Variants in SMTN observed in about 807,000 individuals in gnomAD.
SMTN encodes smoothelin.
Under a neutral mutation model 102.0 loss-of-function variants are expected in SMTN, and 58 were observed. That is an observed-to-expected ratio of 0.57 (90% CI 0.46 to 0.71). The LOEUF is 0.71. SMTN is among the 30% of genes least tolerant of loss of function. SMTN has a pLI of 0.00. For synonymous variants in SMTN, 478 were observed against 497.9 expected (o/e 0.96, Z 0.53); for missense variants, 1,185 against 1,241.7 (o/e 0.95, Z 0.69).
Position 31,089,895 on chromosome 22 carries a change from C to T in SMTN, c.668C>T (p.Ala223Val), listed in dbSNP as rs1231727026. 6.2e-7 allele frequency: 1 copy of T among 1,613,532 alleles called. No homozygotes were observed. Among genetic ancestry groups the T allele is most frequent in the African/African-American group, 1.3e-5 (1 of 75,010 alleles). The change falls in exon 7 of 21, where the codon GCC becomes GTC. Residue 223 changes from alanine to valine, a missense_variant. Coordinates refer to ENST00000333137, the MANE Select transcript of SMTN (RefSeq NM_134269.3). ...GAGCCTCCATTGGAGCCTGCCGAGG[C>T]CCAGTGCCTTACAGCTGAGGTTCCA... ...SPEPPLEPAEAQCLTAEVPGS... is the reference protein window; with the variant it reads ...SPEPPLEPAEVQCLTAEVPGS...
At position 31,099,731 on chromosome 22, in the gene SMTN, C is replaced by T. The variant is rs1348769501; in HGVS notation, c.2452-14C>T. 6.2e-7 allele frequency: 1 copy of T among 1,613,376 alleles called. No homozygotes were observed. Among genetic ancestry groups the T allele is most frequent in the African/African-American group, 1.3e-5 (1 of 75,034 alleles). ...TGCCCCCAGGTTCCTGACCAGTCCT[C>T]CTACGGCTTATAGCACGTCGACATC... On this transcript the variant is annotated splice_polypyrimidine_tract_variant and intron_variant, in intron 18 of 20. Coordinates refer to ENST00000333137, the MANE Select transcript of SMTN (RefSeq NM_134269.3).
intron 2 of SMTN, chr22:31,085,390 A>T (rs1254212156): frequency 2.7e-6 from 3 of 1,131,064 alleles, no homozygotes; most frequent in Non-Finnish European, 3.7e-6. Flanking sequence ...CGCCGGCGGG[A>T]CCCCCATGGG....
At chr22:31,076,680 C>T (rs968272897), upstream of SMTN, among the ~76,000 whole-genome samples, 4 of 152,138 alleles carry the variant, frequency 2.6e-5, no homozygotes, top group Admixed American at 6.5e-5. Flanking sequence ...TGGCTCTGCT[C>T]CTGATTTGCT....
intron 2 of SMTN, chr22:31,085,002 T>C: frequency 1.3e-6 from 2 of 1,487,904 alleles, no homozygotes; most frequent in South Asian, 2.6e-5. Context: ...CCCCAGCGTC[T>C]GGCCGATTTG....
rs773607135 is a variant in SMTN at position 31,093,885 on chromosome 22, T to C, written c.1633-1418T>C. On this transcript the variant is annotated intron_variant, in intron 11 of 20. Transcript: ENST00000333137. ...CCCGCAGCACTAGTCTCGTAAGTGC[T>C]TCTGGGTTGGTGGGAGGGGTAGTTT... is the stretch of plus-strand genomic sequence containing the variant. 4.6e-6 allele frequency: 7 copies of C among 1,535,412 alleles called. No individual in the cohort carries two copies. In the Admixed American group the frequency reaches 1.3e-4, roughly 29 times the overall value.
upstream of SMTN, among the ~76,000 whole-genome samples, chr22:31,076,690 T>C (rs1238765909): frequency 6.6e-6 from 1 of 152,190 alleles, no homozygotes; most frequent in Non-Finnish European, 1.5e-5. Context: ...CCTGATTTGC[T>C]ACACTACCTG....
intron 8 of SMTN, 104 bp from the exon 9 acceptor site, chr22:31,090,704 A>C: frequency 4.4e-6 from 4 of 908,742 alleles, no homozygotes; most frequent in Non-Finnish European, 5.4e-6. Flanking sequence ...AAAGGGTGGG[A>C]AGCTAGGGAG....
At chr22:31,079,068 A>G (rs1293688257), upstream of SMTN, among the ~76,000 whole-genome samples, 2 of 152,218 alleles carry the variant, frequency 1.3e-5, no homozygotes, top group Non-Finnish European at 2.9e-5. Context: ...CCTGAGCTTC[A>G]GCTTCCTCTG....
intron 11 of SMTN, chr22:31,093,235 C>G (rs1249694551): frequency 1.2e-5 from 3 of 254,288 alleles, no homozygotes; most frequent in Non-Finnish European, 2.3e-5. Flanking sequence ...GCCCCCCCTC[C>G]CCCACTGCCC....
intron 1 of SMTN, among the ~76,000 whole-genome samples, chr22:31,073,781 C>T (rs117509897): frequency 5.7e-4 from 87 of 152,314 alleles, no homozygotes; most frequent in Middle Eastern, 3.4e-3. Context: ...AAACAGCAAC[C>T]GTTTTTTTAG....
Position 31,098,718 on chromosome 22 carries a change from G to C in SMTN, c.2211G>C (p.Ala737=). The C allele has an allele frequency of 6.2e-7, 1 of 1,613,498 alleles. No homozygotes were observed. Among genetic ancestry groups the C allele is most frequent in the Non-Finnish European group, 8.5e-7 (1 of 1,179,926 alleles). ...QASPRAGSLA[A]LEKRQAEKKK... is the part of the protein sequence containing the mutation. ...GCCCACGGGCCGGCAGCCTGGCGGC[G>C]CTCGAGAAACGGCAGGCCGAGAAGA... Residue 737 remains alanine, a synonymous_variant, in exon 17 of 21, where the codon GCG becomes GCC. Coordinates refer to ENST00000333137, the MANE Select transcript of SMTN (RefSeq NM_134269.3).
At chr22:31,104,233 C>T in intron 20 of SMTN, 83 bp from the exon 21 acceptor site, 1 of 1,492,982 alleles carries the variant, frequency 6.7e-7, no homozygotes, top group Middle Eastern at 1.9e-4. Flanking sequence ...GGCAATGCGG[C>T]AATAAAAAAG....
intron 19 of SMTN, 50 bp downstream of exon 19, chr22:31,099,946 A>G (rs1264023590): frequency 1.3e-6 from 2 of 1,586,672 alleles, no homozygotes; most frequent in Non-Finnish European, 8.6e-7. Context: ...CTGGGGCTGG[A>G]CATCGGGACC....
rs750084959 is a variant in SMTN at position 31,091,215 on chromosome 22, C to T, written c.1192C>T (p.Arg398Ter). The change falls in exon 10 of 21, where the codon CGA (arginine) becomes TGA (stop). Residue 398 changes from arginine (R) to a stop codon, truncating the protein, a stop_gained. Transcript: ENST00000333137. LOFTEE classifies it high-confidence loss of function. ...DTSSRFSKEQ[R>*]GVAQPLAQLR... is the part of the protein sequence containing the mutation. Reference sequence around the variant, plus strand: ...CTCCTCCCGGTTCAGCAAGGAGCAACGAGGAGTAGCCCAGCCCCTGGCCCA... The same window carrying T: ...CTCCTCCCGGTTCAGCAAGGAGCAATGAGGAGTAGCCCAGCCCCTGGCCCA... The T allele has an allele frequency of 1.2e-6, 2 of 1,611,822 alleles. No individual in the cohort carries two copies. The highest frequency in any genetic ancestry group is 1.7e-6 in the Non-Finnish European group (2 of 1,179,220).
chr22:31,098,765 A>G lies in SMTN; in HGVS notation c.2258A>G (p.Gln753Arg), dbSNP rs1008925053. 1 of 1,613,154 alleles carries G rather than the reference A, an allele frequency of 6.2e-7. No individual in the cohort carries two copies. The highest frequency in any genetic ancestry group is 1.3e-5 in the African/African-American group (1 of 74,916). The change falls in exon 17 of 21, where the codon CAG (glutamine) becomes CGG (arginine). Residue 753 changes from glutamine (Q) to arginine (R), a missense_variant. By Grantham distance (43) the Gln-to-Arg change is conservative (BLOSUM62 1). This residue lies in a region of SMTN where 1,096 missense variants were observed against 1,112.7 expected (regional missense o/e 0.98). Transcript: ENST00000333137. Reference sequence around the variant, plus strand: ...AAGAAGAAAGAGCTGATGAAGGCGCAGAGTCTGCCCAAGACCTCAGCCTCC... The same window carrying G: ...AAGAAGAAAGAGCTGATGAAGGCGCGGAGTCTGCCCAAGACCTCAGCCTCC... ...AEKKKELMKA[Q>R]SLPKTSASQA...
chr22:31,100,543 C>A (rs1169772526), intron 19 of SMTN, among the ~76,000 whole-genome samples: 3 of 152,048 alleles, frequency 2.0e-5, no homozygotes, highest in African/African-American at 7.2e-5. Context: ...GCCCTCCTCT[C>A]CAACCTTGGT....
At chr22:31,069,298 C>T (rs1414643433) in intron 1 of SMTN, among the ~76,000 whole-genome samples, 1 of 152,098 alleles carries the variant, frequency 6.6e-6, no homozygotes, top group Non-Finnish European at 1.5e-5. Flanking sequence ...GCTTCAAAGT[C>T]CCAAATTCAG....
rs1005506515 is a variant in SMTN at position 31,095,720 on chromosome 22, G to A, written c.1861+111G>A. ...CCCAGCTTAATAACTGCCCTACCCA[G>A]CTTCTCCTTCTCTAGACCCAGCAGT... On this transcript the variant is annotated intron_variant, in intron 13 of 20. Transcript: ENST00000333137. The surrounding 1 kb of genome is among the most constrained non-coding windows in gnomAD (Gnocchi z 4.1). The A allele has an allele frequency of 7.6e-5, 70 of 917,170 alleles. No homozygotes were observed. Among genetic ancestry groups the A allele is most frequent in the Admixed American group, 3.2e-4 (14 of 43,888 alleles). 56.8% of individuals were successfully genotyped at this position (917,170 alleles called of 1,614,324 possible). A position where few individuals can be genotyped will look rare whatever the true frequency, so the allele number is the denominator to read the frequency against.
rs771689259 is a variant in SMTN at position 31,096,888 on chromosome 22, G to A, written c.2017G>A (p.Val673Ile). ...CACTGTTACCAAGACTGAGCGGCTC[G>A]TCCACTCCAGTAAGGGGCCAAATGG... Reference protein sequence around the residue: ...VSTVTKTERLVHSNDGTRTAR... With the variant: ...VSTVTKTERLIHSNDGTRTAR... The change falls in exon 14 of 21, where the codon GTC (valine) becomes ATC (isoleucine). Residue 673 changes from valine (V) to isoleucine (I), a missense_variant. By Grantham distance (29) the Val-to-Ile change is conservative. Coordinates refer to ENST00000333137, the MANE Select transcript of SMTN (RefSeq NM_134269.3). 2.0e-5 allele frequency: 31 copies of A among 1,588,714 alleles called. No individual in the cohort carries two copies. The highest frequency in any genetic ancestry group is 3.4e-4 in the Middle Eastern group (2 of 5,958).
Sources: allele counts gnomAD v4.1 joint callset (sites outside exome capture counted in the v4.1 genomes callset), GRCh38; gene constraint gnomAD v4.1.1; regional missense constraint gnomAD v4.1.1; non-coding constraint Gnocchi (gnomAD v3.1); transcripts MANE v1.5; gene names NCBI Gene and HGNC (gene_info 2026-07-23, HGNC 2026-07-21).